ZNF638: variants seen among roughly 807,000 people sequenced by gnomAD.
The protein encoded by ZNF638 is zinc finger protein 638.
ZNF638 carries 46 observed loss-of-function variants against 195.6 expected under a neutral mutation model. That is an observed-to-expected ratio of 0.24 (90% CI 0.19 to 0.30). ZNF638 has a LOEUF of 0.30. Among genes scored for constraint, ZNF638 ranks in the 10% least tolerant of loss-of-function variants. The pLI, the probability that ZNF638 is intolerant of heterozygous loss-of-function variation, is 1.00. For synonymous variants in ZNF638, 845 were observed against 772.0 expected, an observed-to-expected ratio of 1.09 and a Z score of -1.57; for missense variants, 2,440 against 2,325.3, an observed-to-expected ratio of 1.05 and a Z score of -1.01.
intron 17 of ZNF638, among the ~76,000 whole-genome samples, chr2:71,404,555 A>G (rs77529708): frequency 0.083 from 12,635 of 152,150 alleles, 698 homozygotes; most frequent in South Asian, 0.18. Context: ...CATGCCTACA[A>G]AACTTAAAAT....
chr2:71,388,222 A>C (rs1192138033), intron 10 of ZNF638, among the ~76,000 whole-genome samples: 2 of 152,230 alleles, frequency 1.3e-5, no homozygotes, highest in African/African-American at 2.4e-5. Context: ...AAATTCTCTT[A>C]CCCTGAGGCT....
chr2:71,377,831 A>G (rs2104340331), intron 8 of ZNF638, among the ~76,000 whole-genome samples: 1 of 152,382 alleles, frequency 6.6e-6, no homozygotes, highest in South Asian at 2.1e-4. Context: ...GGCACCTTAT[A>G]GTGATCTAGG....
intron 10 of ZNF638, among the ~76,000 whole-genome samples, chr2:71,392,587 C>G (rs2079804944): frequency 6.6e-6 from 1 of 152,232 alleles, no homozygotes; most frequent in African/African-American, 2.4e-5. Context: ...CACACATATT[C>G]GAGCACACAG....
intron 20 of ZNF638, 93 bp downstream of exon 20, chr2:71,408,340 T>G: frequency 7.2e-7 from 1 of 1,390,598 alleles, no homozygotes; most frequent in Non-Finnish European, 9.6e-7. Flanking sequence ...TTTCTGTGTT[T>G]AGAGATGATT....
At chr2:71,407,231 T>C (rs1247452930) in intron 19 of ZNF638, 1 of 152,220 alleles carries the variant, frequency 6.6e-6, no homozygotes, top group African/African-American at 2.4e-5. Flanking sequence ...TTCTTTGATA[T>C]GCTTCTGATA....
intron 8 of ZNF638, chr2:71,376,201 A>G (rs1216782132): frequency 6.6e-6 from 1 of 152,246 alleles, no homozygotes; most frequent in Non-Finnish European, 1.5e-5. Flanking sequence ...TAGAAGCTAG[A>G]AAACATGCCA....
intron 10 of ZNF638, among the ~76,000 whole-genome samples, chr2:71,386,907 G>T (rs1033054013): frequency 1.3e-5 from 2 of 150,742 alleles, no homozygotes; most frequent in Non-Finnish European, 2.9e-5. Flanking sequence ...GAGTTCAGTT[G>T]TGGAATCTCA....
intron 2 of ZNF638, among the ~76,000 whole-genome samples, chr2:71,355,252 G>A (rs2079005866): frequency 6.6e-6 from 1 of 152,132 alleles, no homozygotes; most frequent in Non-Finnish European, 1.5e-5. Flanking sequence ...CACTGCGCCC[G>A]GCGGCATTTT....
chr2:71,394,093 C>T (rs186752783), intron 10 of ZNF638, among the ~76,000 whole-genome samples: 194 of 152,312 alleles, frequency 1.3e-3, no homozygotes, highest in Non-Finnish European at 2.4e-3. Context: ...GTTGGGAGGT[C>T]TGTCACGGGG....
chr2:71,366,278 T>G (rs996349635), intron 6 of ZNF638, among the ~76,000 whole-genome samples: 1 of 151,880 alleles, frequency 6.6e-6, no homozygotes, highest in African/African-American at 2.4e-5. Flanking sequence ...AAGGATCACT[T>G]GAGCCCGGGA....
chr2:71,344,471 A>G (rs2078818745), intron 1 of ZNF638, among the ~76,000 whole-genome samples: 1 of 152,208 alleles, frequency 6.6e-6, no homozygotes, highest in African/African-American at 2.4e-5. Context: ...TACTAGCTCC[A>G]TCTTAAAAAG....
Position 71,380,524 on chromosome 2 carries a change from A to G in ZNF638, c.2336A>G (p.Asp779Gly), listed in dbSNP as rs779540714. 1.4e-5 allele frequency: 23 copies of G among 1,606,082 alleles called. No individual in the cohort carries two copies. The South Asian group carries it at 1.9e-4, about 13-fold the overall frequency. The stretch of plus-strand genomic sequence containing the variant: ...CTCCTTTTAAATAGAAGAGATGCAG[A>G]TGCTTCAAAAGCTGTTGAAATTGTT... The part of the protein sequence containing the change: ...VSASTLKRDA[D>G]ASKAVEIVTS... Residue 779 changes from aspartate to glycine, a missense_variant, in exon 10 of 28, where the codon GAT (aspartate) becomes GGT (glycine). Around this residue, in one of 5 missense-constraint regions of ZNF638, gnomAD observed 1,883 missense variants for 1,739.1 expected, o/e 1.08. Coordinates refer to ENST00000264447, the MANE Select transcript of ZNF638 (RefSeq NM_014497.5).
chr2:71,395,944 T>G, intron 10 of ZNF638, 197 bp from the exon 11 acceptor site: 1 of 609,022 alleles, frequency 1.6e-6, no homozygotes, highest in South Asian at 2.0e-5. Context: ...TTGTTAAAAT[T>G]TAAATCTGTA....
chr2:71,349,334 A>G lies in ZNF638; in HGVS notation c.380A>G (p.Gln127Arg), dbSNP rs1234139069. The G allele has an allele frequency of 3.7e-6, 6 of 1,614,196 alleles. 1 individual carries two copies. The highest frequency in any genetic ancestry group is 2.2e-5 in the South Asian group (2 of 91,084). ...KQSSVTQVTE[Q>R]SPKVQSRYTK... Reference sequence around the variant, plus strand: ...AGTTCTGTAACACAGGTTACAGAGCAGAGTCCCAAAGTACAGAGCCGCTAT... The same window carrying G: ...AGTTCTGTAACACAGGTTACAGAGCGGAGTCCCAAAGTACAGAGCCGCTAT... Residue 127 changes from glutamine (Q) to arginine (R), a missense_variant, in exon 2 of 28, where the codon CAG (glutamine) becomes CGG (arginine). Gln to Arg is a conservative substitution (Grantham distance 43). Around this residue, in one of 5 missense-constraint regions of ZNF638, gnomAD observed 191 missense variants for 173.8 expected, o/e 1.10. Coordinates refer to ENST00000264447, the MANE Select transcript of ZNF638 (RefSeq NM_014497.5).
intron 6 of ZNF638, among the ~76,000 whole-genome samples, chr2:71,366,073 AGGCAT>A (rs2079193643): frequency 6.6e-6 from 1 of 152,206 alleles, no homozygotes. Flanking sequence ...AGTTGTTGCC[AGGCAT>A]GGTGGCTTAT....
intron 21 of ZNF638, among the ~76,000 whole-genome samples, chr2:71,419,926 A>G (rs1421679785): frequency 7.1e-6 from 1 of 141,150 alleles, no homozygotes; most frequent in Non-Finnish European, 1.5e-5. Flanking sequence ...CATAAAACTA[A>G]TTTTTAAAAT....
At chr2:71,411,047 G>C (rs2080209893) in intron 20 of ZNF638, among the ~76,000 whole-genome samples, 1 of 136,726 alleles carries the variant, frequency 7.3e-6, no homozygotes, top group Non-Finnish European at 1.5e-5. Context: ...GTCCAGGCTG[G>C]AGTGCAGTGG....
At chr2:71,348,686 G>A in intron 1 of ZNF638, 67 bp from the exon 2 acceptor site, 1 of 1,392,474 alleles carries the variant, frequency 7.2e-7, no homozygotes, top group Non-Finnish European at 9.4e-7. Context: ...TTTTACACTG[G>A]CTGTAGAACC....
chr2:71,432,717 A>G (rs568081735), intron 26 of ZNF638, among the ~76,000 whole-genome samples: 13 of 152,298 alleles, frequency 8.5e-5, no homozygotes, highest in East Asian at 5.8e-4. Flanking sequence ...AATTACTACT[A>G]TTGATCCCTA....
Sources: allele counts gnomAD v4.1 joint callset (sites outside exome capture counted in the v4.1 genomes callset), GRCh38; gene constraint gnomAD v4.1.1; regional missense constraint gnomAD v4.1.1; transcripts MANE v1.5; gene names NCBI Gene and HGNC (gene_info 2026-07-23, HGNC 2026-07-21).